LRP1B: variants seen among roughly 807,000 people sequenced by gnomAD.
The protein encoded by LRP1B is LDL receptor related protein 1B, also known as low-density lipoprotein receptor-related protein 1B.
A neutral mutation model predicts 556.6 loss-of-function variants in LRP1B; 217 were observed. The observed-to-expected ratio is 0.39, with a 90% CI of 0.35 to 0.44. LRP1B has a LOEUF of 0.44. Among genes scored for constraint, LRP1B ranks in the 20% least tolerant of loss-of-function variants. The pLI is 1.00. For synonymous variants in LRP1B, 2,047 were observed against 1,865.8 expected (o/e 1.10, Z -2.50); for missense variants, 5,053 against 5,620.8 (o/e 0.90, Z 3.23).
intron 83 of LRP1B, among the ~76,000 whole-genome samples, chr2:140,312,503 A>T (rs1459188348): frequency 6.6e-6 from 1 of 152,020 alleles, no homozygotes; most frequent in Non-Finnish European, 1.5e-5. Flanking sequence ...TTAAGTGTAA[A>T]TATAGCTGTT....
chr2:141,249,098 G>C (rs1684170504), intron 4 of LRP1B, among the ~76,000 whole-genome samples: 1 of 152,148 alleles, frequency 6.6e-6, no homozygotes, highest in South Asian at 2.1e-4. Flanking sequence ...GGGCAGCCTT[G>C]AGTAAATGTG....
intron 55 of LRP1B, among the ~76,000 whole-genome samples, chr2:140,499,434 A>T (rs1162130094): frequency 6.6e-6 from 1 of 151,984 alleles, no homozygotes; most frequent in Non-Finnish European, 1.5e-5. Flanking sequence ...ACACACACAC[A>T]CACATATACA....
chr2:140,955,891 T>G (rs1695857888), intron 18 of LRP1B, among the ~76,000 whole-genome samples: 1 of 151,630 alleles, frequency 6.6e-6, no homozygotes, highest in African/African-American at 2.4e-5. Flanking sequence ...CCCCCCAAAA[T>G]AATATTTTTA....
chr2:140,714,212 A>G (rs1329375871), intron 37 of LRP1B, among the ~76,000 whole-genome samples: 1 of 152,150 alleles, frequency 6.6e-6, no homozygotes, highest in South Asian at 2.1e-4. Flanking sequence ...TATTTTGTCA[A>G]GATGTACTGA....
At chr2:140,969,670 T>A (rs1167110299) in intron 18 of LRP1B, among the ~76,000 whole-genome samples, 3 of 152,220 alleles carry the variant, frequency 2.0e-5, no homozygotes, top group Non-Finnish European at 4.4e-5. Flanking sequence ...TACCGGTGAT[T>A]CTGTTCCATG....
At chr2:140,806,563 G>A (rs1026603763) in intron 32 of LRP1B, among the ~76,000 whole-genome samples, 6 of 152,084 alleles carry the variant, frequency 3.9e-5, no homozygotes, top group Admixed American at 6.6e-5. Flanking sequence ...AGGGCCCAGG[G>A]CTCAAACTCT....
chr2:140,730,049 A>T (rs1265782172), intron 35 of LRP1B, among the ~76,000 whole-genome samples: 3 of 152,194 alleles, frequency 2.0e-5, no homozygotes, highest in Non-Finnish European at 4.4e-5. Flanking sequence ...CTTCGTCCGT[A>T]TTCACCTAAC....
chr2:141,037,064 C>A (rs1477988884), intron 11 of LRP1B, among the ~76,000 whole-genome samples: 1 of 151,910 alleles, frequency 6.6e-6, no homozygotes, highest in Non-Finnish European at 1.5e-5. Flanking sequence ...CACTTAGTAA[C>A]AGGTCACAGC....
At chr2:140,279,422 G>A (rs530854096) in intron 84 of LRP1B, among the ~76,000 whole-genome samples, 3 of 152,056 alleles carry the variant, frequency 2.0e-5, no homozygotes, top group Middle Eastern at 3.4e-3. Context: ...TATCTGCAAT[G>A]TTAATAAATC....
chr2:140,639,258 A>G (rs1030043223), intron 41 of LRP1B, among the ~76,000 whole-genome samples: 2 of 152,200 alleles, frequency 1.3e-5, no homozygotes, highest in African/African-American at 4.8e-5. Flanking sequence ...AATATTATGG[A>G]TAGAACTTCA....
chr2:141,863,673 C>T (rs1224208913), intron 1 of LRP1B, among the ~76,000 whole-genome samples: 1 of 152,182 alleles, frequency 6.6e-6, no homozygotes, highest in Admixed American at 6.5e-5. Context: ...CCACTTCCCC[C>T]TATTTAATGG....
chr2:140,471,455 A>G (rs1251619134), intron 60 of LRP1B, among the ~76,000 whole-genome samples: 1 of 152,192 alleles, frequency 6.6e-6, no homozygotes, highest in African/African-American at 2.4e-5. Flanking sequence ...AAAACTAATA[A>G]GTCATCAAAT....
intron 35 of LRP1B, among the ~76,000 whole-genome samples, chr2:140,718,381 G>C (rs1312847396): frequency 6.6e-6 from 1 of 151,720 alleles, no homozygotes; most frequent in Non-Finnish European, 1.5e-5. Context: ...AGCATTTTTT[G>C]TTCACTTTTT....
intron 32 of LRP1B, among the ~76,000 whole-genome samples, chr2:140,804,703 T>C (rs1367724924): frequency 6.7e-6 from 1 of 149,642 alleles, no homozygotes; most frequent in Non-Finnish European, 1.5e-5. Flanking sequence ...TCACATTTTT[T>C]TCAGTTATCG....
At chr2:141,793,462 G>T (rs1243533328) in intron 2 of LRP1B, among the ~76,000 whole-genome samples, 2 of 151,840 alleles carry the variant, frequency 1.3e-5, no homozygotes, top group East Asian at 1.9e-4. Context: ...CTGGTCCCAG[G>T]TTCCAAGGTT....
At chr2:141,213,846 G>A (rs547204383) in intron 6 of LRP1B, among the ~76,000 whole-genome samples, 61 of 151,030 alleles carry the variant, frequency 4.0e-4, no homozygotes, top group African/African-American at 1.0e-3. Context: ...ATTTTTGACC[G>A]ATGGTTGGCT....
chr2:141,084,331 C>T (rs940491288), intron 7 of LRP1B, among the ~76,000 whole-genome samples: 9 of 152,006 alleles, frequency 5.9e-5, no homozygotes, highest in African/African-American at 1.2e-4. Flanking sequence ...GTGCGCATTC[C>T]CATTATCTTA....
At chr2:140,320,720 G>T (rs903067500) in intron 82 of LRP1B, among the ~76,000 whole-genome samples, 1 of 151,908 alleles carries the variant, frequency 6.6e-6, no homozygotes, top group Non-Finnish European at 1.5e-5. Context: ...GAGCCACCAC[G>T]CCTGGCAAGA....
chr2:140,413,514 G>A (rs1685052106), intron 66 of LRP1B, among the ~76,000 whole-genome samples: 1 of 152,124 alleles, frequency 6.6e-6, no homozygotes. Flanking sequence ...CTGAGACATA[G>A]CTGGAGAGCC....
Sources: gnomAD v4.1 joint callset for allele counts (sites outside exome capture counted in the v4.1 genomes callset) on GRCh38, gnomAD v4.1.1 for gene constraint, MANE v1.5 for transcripts, NCBI Gene and HGNC (gene_info 2026-07-23, HGNC 2026-07-21) for gene names.